SNIP1: variants seen among roughly 807,000 people sequenced by gnomAD.
SNIP1 encodes smad nuclear-interacting protein 1.
Under a neutral mutation model 37.4 loss-of-function variants are expected in SNIP1, and 23 were observed. The ratio of observed to expected loss-of-function variants is 0.61; its 90% CI spans 0.44 to 0.87. The LOEUF (loss-of-function observed/expected upper bound fraction) is 0.87, where lower values mean the gene tolerates loss of function less well. Ranked by LOEUF, SNIP1 falls within the 40% of genes least tolerant of loss-of-function variation. SNIP1 has a pLI of 0.00. For synonymous variants in SNIP1, 174 were observed against 200.0 expected (o/e 0.87, Z 1.10); for missense variants, 459 against 540.4 (o/e 0.85, Z 1.49).
At chr1:37,549,314 G>A (rs1186093713) in intron 2 of SNIP1, among the ~76,000 whole-genome samples, 1 of 151,996 alleles carries the variant, frequency 6.6e-6, no homozygotes, top group Non-Finnish European at 1.5e-5. Context: ...TAAATAAAAG[G>A]GGAGATACAC....
In SNIP1 at chr1:37,545,992, A is replaced by G. The variant is rs572228849; in HGVS notation, c.328-5237T>C. 1.7e-4 allele frequency among the ~76,000 whole-genome samples: 26 copies of G among 152,264 alleles called. No homozygotes were observed. In the South Asian group the frequency reaches 5.0e-3, roughly 29 times the overall value. On this transcript the variant is annotated intron_variant, in intron 2 of 3. Coordinates refer to ENST00000296215, the MANE Select transcript of SNIP1 (RefSeq NM_024700.4). Reference sequence around the variant, plus strand: ...CGGAAAACAGTACAGTGGTTCCATAAAAAATTTAAAAATAGAATCGCCATA... The same window carrying G: ...CGGAAAACAGTACAGTGGTTCCATAGAAAATTTAAAAATAGAATCGCCATA...
intron 1 of SNIP1, among the ~76,000 whole-genome samples, chr1:37,553,093 A>G (rs1253938141): frequency 6.6e-6 from 1 of 152,102 alleles, no homozygotes; most frequent in Non-Finnish European, 1.5e-5. Flanking sequence ...CACCCCTACC[A>G]TCAATAACAA....
At chr1:37,548,152 C>CAA (rs35503081) in intron 2 of SNIP1, among the ~76,000 whole-genome samples, 1,429 of 65,292 alleles carry the variant, frequency 0.022, 89 homozygotes, top group African/African-American at 0.069. Flanking sequence ...GACTCCATAT[C>CAA]AAAAAAAAAA....
chr1:37,540,874 A>C lies in SNIP1; in HGVS notation c.328-119T>G. ...TCTTGTAATTTGGACTTTGGCATTTAGAACAACATTTCCCACAGAAATAAG... is the reference window on the plus strand; with the variant it reads ...TCTTGTAATTTGGACTTTGGCATTTCGAACAACATTTCCCACAGAAATAAG... On this transcript the variant is annotated intron_variant, in intron 2 of 3. Coordinates refer to ENST00000296215, the MANE Select transcript of SNIP1 (RefSeq NM_024700.4). This position sits in a 1 kb window ranked among gnomAD's most constrained non-coding sequence, Gnocchi z 5.6. The C allele has an allele frequency of 1.1e-6, 1 of 913,920 alleles. No individual in the cohort carries two copies. The highest frequency in any genetic ancestry group is 1.6e-6 in the Non-Finnish European group (1 of 611,664). The allele number at this position is 913,920 out of a possible 1,614,324, so 56.6% of individuals were successfully genotyped here.
At chr1:37,553,468 T>C (rs1402821459) in intron 1 of SNIP1, among the ~76,000 whole-genome samples, 1 of 152,224 alleles carries the variant, frequency 6.6e-6, no homozygotes, top group Non-Finnish European at 1.5e-5. Context: ...TCGGTGAAGA[T>C]CATCTAACTG....
intron 1 of SNIP1, 127 bp from the exon 2 acceptor site, chr1:37,552,874 A>G (rs1643317104): frequency 1.3e-6 from 1 of 759,432 alleles, no homozygotes; most frequent in East Asian, 2.5e-5. Flanking sequence ...GGTCACATTA[A>G]AGGAGTCACG....
intron 2 of SNIP1, among the ~76,000 whole-genome samples, chr1:37,542,608 T>C (rs1643188137): frequency 6.6e-6 from 1 of 151,618 alleles, no homozygotes; most frequent in African/African-American, 2.4e-5. Flanking sequence ...GGCACAGTGG[T>C]GCATGCCTGT....
Position 37,540,203 on chromosome 1 carries a change from T to G in SNIP1, c.880A>C (p.Ile294Leu), listed in dbSNP as rs760446970. 7 of 1,606,720 alleles carry G rather than the reference T, an allele frequency of 4.4e-6. No individual in the cohort carries two copies. In the East Asian group the frequency reaches 1.3e-4, roughly 31 times the overall value. ...GRHRRIADIP[I>L]DHPSCSKQHA... ...TGCTTTGAACAAGACGGGTGATCAA[T>G]TGGAATGTCTGCAATGCGGCGGTGT... The change falls in exon 3 of 4, where the codon ATT becomes CTT. Residue 294 changes from isoleucine to leucine, a missense_variant. Ile to Leu is a conservative substitution (Grantham distance 5). Transcript: ENST00000296215. This position sits in a 1 kb window ranked among gnomAD's most constrained non-coding sequence, Gnocchi z 5.6.
At chr1:37,548,605 C>G (rs1266848825) in intron 2 of SNIP1, among the ~76,000 whole-genome samples, 1 of 151,930 alleles carries the variant, frequency 6.6e-6, no homozygotes. Context: ...CCACTGTGAT[C>G]GGCCCAGACT....
At chr1:37,545,352 G>C in intron 2 of SNIP1, 2 of 545,950 alleles carry the variant, frequency 3.7e-6, no homozygotes, top group East Asian at 9.0e-5. Flanking sequence ...TGGTCACCAA[G>C]GCAGTGCATG....
intron 3 of SNIP1, among the ~76,000 whole-genome samples, chr1:37,538,232 G>A (rs1174627476): frequency 6.6e-6 from 1 of 152,168 alleles, no homozygotes; most frequent in African/African-American, 2.4e-5. Context: ...GAATGGACCG[G>A]GCGCGGTGGC....
rs1308577418 is a variant in SNIP1 at position 37,554,127 on chromosome 1, T to C, written c.103A>G (p.Ser35Gly). The change falls in exon 1 of 4, where the codon AGC becomes GGC. Residue 35 changes from serine (S) to glycine (G), a missense_variant. Ser to Gly is a moderately conservative substitution (Grantham distance 56). Transcript: ENST00000296215. ...TGGGCGGGAGGTGCGACTTCTGGGC[T>C]GAGACGCTCCTGCTTCACCACCACC... ...AGVVVKQERLSPEVAPPAHRR... is the reference protein window; with the variant it reads ...AGVVVKQERLGPEVAPPAHRR... 2 of 1,613,038 alleles carry C rather than the reference T, an allele frequency of 1.2e-6. No individual in the cohort carries two copies. The highest frequency in any genetic ancestry group is 3.3e-5 in the Admixed American group (2 of 59,964).
chr1:37,544,815 G>A (rs887046098), intron 2 of SNIP1: 138 of 757,186 alleles, frequency 1.8e-4, no homozygotes, highest in East Asian at 1.5e-3. Flanking sequence ...GCCATCAACC[G>A]CCAGATCAAC....
chr1:37,552,265 C>T (rs1005320425), intron 2 of SNIP1, among the ~76,000 whole-genome samples: 6 of 152,056 alleles, frequency 3.9e-5, no homozygotes, highest in African/African-American at 9.7e-5. Flanking sequence ...AAGGACAACA[C>T]GAGGTATTCC....
Position 37,552,748 on chromosome 1 carries a change from C to T in SNIP1, c.225-1G>A. ...CTTGTTTTTCTTTTTGGGTGGGGACCTATTCAGAGCATGGTACACAGGATT... is the reference window on the plus strand; with the variant it reads ...CTTGTTTTTCTTTTTGGGTGGGGACTTATTCAGAGCATGGTACACAGGATT... On this transcript the variant is annotated splice_acceptor_variant, in intron 1 of 3. Coordinates refer to ENST00000296215, the MANE Select transcript of SNIP1 (RefSeq NM_024700.4). LOFTEE classifies it high-confidence loss of function. 1 of 1,612,118 alleles carries T rather than the reference C, an allele frequency of 6.2e-7. No individual in the cohort carries two copies. Among genetic ancestry groups the T allele is most frequent in the Non-Finnish European group, 8.5e-7 (1 of 1,178,194 alleles).
Position 37,535,243 on chromosome 1 carries a change from T to TATATATATATATATATATATA in SNIP1, c.*2504_*2505insTATATATATATATATATATAT, listed in dbSNP as rs1264980418. 32 of 134,516 alleles carry TATATATATATATATATATATA rather than the reference T, an allele frequency of 2.4e-4. No individual in the cohort carries two copies. The highest frequency in any genetic ancestry group is 6.9e-4 in the African/African-American group (23 of 33,156). 8.3% of individuals were successfully genotyped at this position (134,516 alleles called of 1,614,324 possible). ...AAAAAATAAAAATTATATATATAAA[T>TATATATATATATATATATATA]TAGCCAGGCTTGGTGACAGGTGCCT... On this transcript the variant is annotated 3_prime_UTR_variant, in exon 4 of 4. Coordinates refer to ENST00000296215, the MANE Select transcript of SNIP1 (RefSeq NM_024700.4).
chr1:37,539,880 G>T (rs893213571), intron 3 of SNIP1, among the ~76,000 whole-genome samples: 1 of 152,210 alleles, frequency 6.6e-6, no homozygotes, highest in African/African-American at 2.4e-5. Flanking sequence ...TTGAGCCCAG[G>T]AGGTTGCCGC....
intron 1 of SNIP1, 97 bp downstream of exon 1, chr1:37,553,909 T>G (rs1423022784): frequency 7.9e-7 from 1 of 1,268,306 alleles, no homozygotes; most frequent in Non-Finnish European, 1.1e-6. Flanking sequence ...TCCGGGCTGC[T>G]GCGCCCACCA....
At chr1:37,545,083 G>GA (rs1306114475) in intron 2 of SNIP1, 2 of 747,222 alleles carry the variant, frequency 2.7e-6, no homozygotes, top group Non-Finnish European at 4.9e-6. Context: ...AAAAACTTGG[G>GA]AATCAGTCAC....
Sources: allele counts gnomAD v4.1 joint callset (sites outside exome capture counted in the v4.1 genomes callset), GRCh38; gene constraint gnomAD v4.1.1; non-coding constraint Gnocchi (gnomAD v3.1); transcripts MANE v1.5; gene names NCBI Gene and HGNC (gene_info 2026-07-23, HGNC 2026-07-21).